The following KLHL13 variants were observed in gnomAD, a reference collection of about 807,000 sequenced individuals.
KLHL13 encodes kelch like family member 13.
Under a neutral mutation model 37.1 loss-of-function variants are expected in KLHL13, and 10 were observed. The ratio of observed to expected loss-of-function variants is 0.27; its 90% confidence interval spans 0.17 to 0.46. The LOEUF (loss-of-function observed/expected upper bound fraction) is 0.46, where lower values mean the gene tolerates loss of function less well. Ranked by LOEUF, KLHL13 falls within the 20% of genes least tolerant of loss-of-function variation. KLHL13 has a pLI of 1.00. For synonymous variants in KLHL13, 163 were observed against 181.2 expected (o/e 0.90, Z 0.81); for missense variants, 360 against 509.3 (o/e 0.71, Z 2.82).
intron 1 of KLHL13, among the ~76,000 whole-genome samples, chrX:117,965,099 AC>A (rs1326490383): frequency 8.9e-6 from 1 of 111,906 alleles, no homozygotes; most frequent in Non-Finnish European, 1.9e-5. Context: ...TTGGGTATAT[AC>A]CCAGTAATGG....
intron 1 of KLHL13, among the ~76,000 whole-genome samples, chrX:118,093,047 T>A (rs2055156336): frequency 8.9e-6 from 1 of 112,042 alleles, no homozygotes; most frequent in African/African-American, 3.2e-5. Context: ...TCTGGTGGTC[T>A]TCTTTTTCAT....
At chrX:117,919,549 T>G in exon 4 of KLHL13, 2 of 1,209,234 alleles carry the variant, frequency 1.7e-6, no homozygotes, top group Non-Finnish European at 1.1e-6. Flanking sequence ...TTTACAGAAG[T>G]CCAAAACTGG....
chrX:117,929,083 G>A (rs1932248727), intron 2 of KLHL13, among the ~76,000 whole-genome samples: 1 of 112,044 alleles, frequency 8.9e-6, no homozygotes, highest in African/African-American at 3.3e-5. Context: ...TGACAACTCA[G>A]TTTAAATGGA....
At chrX:118,042,372 C>G (rs1407744106) in intron 1 of KLHL13, among the ~76,000 whole-genome samples, 1 of 111,794 alleles carries the variant, frequency 8.9e-6, no homozygotes, top group East Asian at 2.8e-4. Flanking sequence ...TAGAAATTTA[C>G]AGAACATTTC....
chrX:118,085,798 T>G (rs912235663), intron 1 of KLHL13, among the ~76,000 whole-genome samples: 1 of 51,485 alleles, frequency 1.9e-5, no homozygotes, highest in Non-Finnish European at 3.2e-5. Context: ...TATTCCATGG[T>G]GTGTGTGTGT....
At chrX:118,104,855 T>C (rs6603367) in intron 1 of KLHL13, among the ~76,000 whole-genome samples, 16,433 of 111,985 alleles carry the variant, frequency 0.15, 1,564 homozygotes, top group African/African-American at 0.35. Context: ...ATACTAAACA[T>C]TACTGAATTA....
intron 1 of KLHL13, among the ~76,000 whole-genome samples, chrX:118,051,641 G>A (rs762366526): frequency 8.2e-5 from 9 of 110,030 alleles, no homozygotes; most frequent in South Asian, 3.9e-4. Flanking sequence ...ACACACTCAC[G>A]CGCACATACA....
intron 1 of KLHL13, among the ~76,000 whole-genome samples, chrX:118,022,838 G>T (rs1207687435): frequency 9.0e-6 from 1 of 111,231 alleles, no homozygotes; most frequent in African/African-American, 3.3e-5. Context: ...TTTTTATGTA[G>T]TCCCAACTTG....
At chrX:117,933,795 A>C (rs1426459392) in intron 2 of KLHL13, among the ~76,000 whole-genome samples, 2 of 111,355 alleles carry the variant, frequency 1.8e-5, no homozygotes, top group Non-Finnish European at 3.8e-5. Flanking sequence ...AACAACTTAG[A>C]TCCTAGACCT....
intron 1 of KLHL13, among the ~76,000 whole-genome samples, chrX:118,007,460 A>T (rs1371536926): frequency 9.2e-6 from 1 of 109,288 alleles, no homozygotes; most frequent in Admixed American, 9.9e-5. Context: ...GTTATATATT[A>T]GTATTTTCAA....
chrX:118,012,266 A>G (rs1240400977), intron 1 of KLHL13, among the ~76,000 whole-genome samples: 1 of 112,316 alleles, frequency 8.9e-6, no homozygotes, highest in Non-Finnish European at 1.9e-5. Flanking sequence ...ACTGTGACAA[A>G]TGATCACAAA....
At chrX:118,057,314 C>G (rs182302965) in intron 1 of KLHL13, among the ~76,000 whole-genome samples, 34 of 112,067 alleles carry the variant, frequency 3.0e-4, no homozygotes, top group Admixed American at 2.9e-3. Context: ...GAGGTATACA[C>G]CATATACATA....
intron 1 of KLHL13, among the ~76,000 whole-genome samples, chrX:118,089,973 C>G (rs964450417): frequency 9.3e-6 from 1 of 107,072 alleles, no homozygotes; most frequent in Non-Finnish European, 1.9e-5. Context: ...CCCAGCTACT[C>G]AAGAGGCTGA....
At chrX:118,069,712 A>T (rs778367165) in intron 1 of KLHL13, among the ~76,000 whole-genome samples, 2 of 112,008 alleles carry the variant, frequency 1.8e-5, no homozygotes, top group African/African-American at 3.2e-5. Context: ...AAAAAGTTTT[A>T]AAAAATTAAA....
chrX:117,944,847 C>A (rs1933242141), intron 2 of KLHL13, among the ~76,000 whole-genome samples: 2 of 111,759 alleles, frequency 1.8e-5, no homozygotes, highest in South Asian at 7.5e-4. Context: ...TGGCTTTCTA[C>A]TGTGTTTCTG....
chrX:117,946,665 A>T (rs1019010721), intron 1 of KLHL13: 1 of 112,185 alleles, frequency 8.9e-6, no homozygotes, highest in African/African-American at 3.2e-5. Context: ...AAAGAAGGAG[A>T]GCAGATTTTC....
rs764991265 is a variant in KLHL13 at position 117,911,969 on chromosome X, TAGAC to T, written c.571-1877_571-1874del. On this transcript the variant is annotated intron_variant, in intron 4 of 6. Coordinates refer to ENST00000262820, the Ensembl canonical transcript of KLHL13. Reference sequence around the variant, plus strand: ...TTAACAAATTATGAGTCTCTAGAAATAGACAGCATAACACTGTATAAATACCCTG... The same window carrying T: ...TTAACAAATTATGAGTCTCTAGAAATAGCATAACACTGTATAAATACCCTG... Among the ~76,000 whole-genome samples the T allele has an allele frequency of 5.3e-4, 59 of 112,075 alleles. No homozygotes were observed. The South Asian group carries it at 5.5e-3, about 11-fold the overall frequency.
chrX:117,907,617 G>A (rs1020690608), intron 5 of KLHL13, among the ~76,000 whole-genome samples: 1 of 111,678 alleles, frequency 9.0e-6, no homozygotes, highest in African/African-American at 3.2e-5. Flanking sequence ...AAAATAATGT[G>A]TGTAGGTTGA....
chrX:118,108,000 C>T (rs1480869730), intron 1 of KLHL13, among the ~76,000 whole-genome samples: 1 of 111,786 alleles, frequency 8.9e-6, no homozygotes, highest in Non-Finnish European at 1.9e-5. Context: ...CTGTAGTGAG[C>T]CTTGACTTTG....
Sources: allele counts gnomAD v4.1 joint callset (sites outside exome capture counted in the v4.1 genomes callset), GRCh38; gene constraint gnomAD v4.1.1; transcripts MANE v1.5; gene names NCBI Gene and HGNC (gene_info 2026-07-23, HGNC 2026-07-21).